Variants in AGBL4 observed in about 807,000 individuals in gnomAD.
AGBL4 encodes cytosolic carboxypeptidase 6.
Under a neutral mutation model 66.4 loss-of-function variants are expected in AGBL4, and 58 were observed. The observed-to-expected ratio is 0.87, with a 90% CI of 0.71 to 1.09. The LOEUF is 1.09. Ranked by LOEUF, AGBL4 falls within the 50% of genes least tolerant of loss-of-function variation. The probability of loss-of-function intolerance (pLI) is 0.00; values close to 1 mark genes in which losing one functional copy is unlikely to be tolerated. For missense variants in AGBL4, 579 were observed against 631.0 expected (o/e 0.92, Z 0.88); for synonymous variants, 234 against 222.9 (o/e 1.05, Z -0.44).
chr1:48,832,094 A>G (rs1226236231), intron 6 of AGBL4, among the ~76,000 whole-genome samples: 2 of 152,182 alleles, frequency 1.3e-5, no homozygotes, highest in African/African-American at 2.4e-5. Context: ...TTACTTTCAT[A>G]CACAAAGTAG....
chr1:49,566,848 G>A (rs1379655588), intron 3 of AGBL4, among the ~76,000 whole-genome samples: 1 of 152,224 alleles, frequency 6.6e-6, no homozygotes, highest in Non-Finnish European at 1.5e-5. Flanking sequence ...ATTTTAGTCT[G>A]CAGAGGTTAT....
At chr1:48,686,635 C>T (rs78927283) in intron 6 of AGBL4, among the ~76,000 whole-genome samples, 2,342 of 152,292 alleles carry the variant, frequency 0.015, 24 homozygotes, top group Non-Finnish European at 0.024. Context: ...CTAGCTCTTT[C>T]TACCCAGCCA....
chr1:48,944,247 G>T (rs918516703), intron 5 of AGBL4, among the ~76,000 whole-genome samples: 87 of 149,962 alleles, frequency 5.8e-4, no homozygotes, highest in Admixed American at 1.3e-4. Context: ...GGGGTTAGGT[G>T]GGGCCAAGGA....
chr1:49,618,835 T>C (rs1406764197), intron 3 of AGBL4, among the ~76,000 whole-genome samples: 1 of 152,186 alleles, frequency 6.6e-6, no homozygotes, highest in African/African-American at 2.4e-5. Flanking sequence ...TCAATAAACG[T>C]AATACATCAC....
At chr1:48,673,879 G>A (rs1186104371) in intron 6 of AGBL4, among the ~76,000 whole-genome samples, 2 of 152,180 alleles carry the variant, frequency 1.3e-5, no homozygotes, top group East Asian at 1.9e-4. Context: ...CACTGCCCAA[G>A]CTCAACACCG....
chr1:49,886,009 GA>G (rs1302752795), intron 1 of AGBL4, among the ~76,000 whole-genome samples: 2 of 152,016 alleles, frequency 1.3e-5, no homozygotes, highest in African/African-American at 4.8e-5. Context: ...CAGTTGTGGG[GA>G]AAAAAACAGT....
chr1:48,889,655 T>A (rs939721073), intron 5 of AGBL4, among the ~76,000 whole-genome samples: 8 of 152,152 alleles, frequency 5.3e-5, no homozygotes, highest in African/African-American at 1.7e-4. Flanking sequence ...GGGTCCAGAC[T>A]AAGTATTTCA....
At chr1:49,574,507 A>G (rs1644396596) in intron 3 of AGBL4, among the ~76,000 whole-genome samples, 2 of 152,298 alleles carry the variant, frequency 1.3e-5, no homozygotes, top group Admixed American at 6.5e-5. Flanking sequence ...AGACCTACTC[A>G]TTCCAGCTGA....
chr1:49,179,361 GA>G (rs1305457362), intron 4 of AGBL4, among the ~76,000 whole-genome samples: 3 of 151,950 alleles, frequency 2.0e-5, no homozygotes, highest in Non-Finnish European at 2.9e-5. Flanking sequence ...GGTTATAAAA[GA>G]AAAAAATGGG....
At chr1:49,418,773 G>A (rs1645481644) in intron 3 of AGBL4, among the ~76,000 whole-genome samples, 1 of 152,246 alleles carries the variant, frequency 6.6e-6, no homozygotes, top group Non-Finnish European at 1.5e-5. Flanking sequence ...TATGAGGTAA[G>A]TCTAAAGATG....
chr1:49,243,282 T>C (rs182642613), intron 4 of AGBL4, among the ~76,000 whole-genome samples: 164 of 151,720 alleles, frequency 1.1e-3, no homozygotes, highest in African/African-American at 3.5e-3. Context: ...GAAGATACTA[T>C]AAATTTGAGA....
At chr1:48,631,995 A>G (rs1352485035) in intron 9 of AGBL4, among the ~76,000 whole-genome samples, 1 of 152,198 alleles carries the variant, frequency 6.6e-6, no homozygotes, top group African/African-American at 2.4e-5. Flanking sequence ...TTTCCCCACT[A>G]TATTGCAAGG....
intron 3 of AGBL4, among the ~76,000 whole-genome samples, chr1:49,335,067 T>G (rs188084356): frequency 1.3e-5 from 2 of 152,230 alleles, no homozygotes; most frequent in Non-Finnish European, 2.9e-5. Flanking sequence ...ACATATACAC[T>G]TTATTGTCTA....
intron 10 of AGBL4, 26 bp from the exon 11 acceptor site, chr1:48,587,192 A>G (rs1292152706): frequency 6.5e-7 from 1 of 1,528,458 alleles, no homozygotes. Flanking sequence ...TAGGGAGGAG[A>G]GAATCACGGC....
intron 3 of AGBL4, among the ~76,000 whole-genome samples, chr1:49,279,753 CT>C (rs1376707317): frequency 6.6e-6 from 1 of 152,186 alleles, no homozygotes; most frequent in African/African-American, 2.4e-5. Flanking sequence ...ATCTAGCCAA[CT>C]CCTATCTTGC....
chr1:49,804,626 T>G (rs1644936611), intron 2 of AGBL4, among the ~76,000 whole-genome samples: 1 of 152,226 alleles, frequency 6.6e-6, no homozygotes, highest in South Asian at 2.1e-4. Context: ...GAAGGCTGAA[T>G]TTATTAAGTG....
chr1:49,816,040 T>C (rs550377714), intron 2 of AGBL4, among the ~76,000 whole-genome samples: 1 of 152,174 alleles, frequency 6.6e-6, no homozygotes, highest in African/African-American at 2.4e-5. Context: ...TACAGGCATA[T>C]GCCACCATGC....
chr1:49,764,611 A>G (rs1652601119), intron 2 of AGBL4, among the ~76,000 whole-genome samples: 1 of 151,312 alleles, frequency 6.6e-6, no homozygotes, highest in South Asian at 2.1e-4. Context: ...CCCTATTCCA[A>G]CTCTTCTAGC....
At chr1:49,040,793 C>T (rs963179904) in intron 5 of AGBL4, among the ~76,000 whole-genome samples, 4 of 151,990 alleles carry the variant, frequency 2.6e-5, no homozygotes, top group Non-Finnish European at 5.9e-5. Flanking sequence ...TGAGAATTAA[C>T]AAGGGAACTT....
Sources: gnomAD v4.1 joint callset for allele counts (sites outside exome capture counted in the v4.1 genomes callset) on GRCh38, gnomAD v4.1.1 for gene constraint, MANE v1.5 for transcripts, NCBI Gene and HGNC (gene_info 2026-07-23, HGNC 2026-07-21) for gene names.